The following CTNNBIP1 variants were observed in gnomAD, a reference collection of about 807,000 sequenced individuals.
CTNNBIP1 encodes the protein catenin beta interacting protein 1, also known as beta-catenin-interacting protein 1.
CTNNBIP1 carries 7 observed loss-of-function variants against 11.8 expected under a neutral mutation model. That is an observed-to-expected ratio of 0.60 (90% CI 0.34 to 1.12). The LOEUF is 1.12. Ranked by LOEUF, CTNNBIP1 falls within the 50% of genes most tolerant of loss-of-function variation. The pLI is 0.03. For missense variants in CTNNBIP1, 101 were observed against 113.4 expected (o/e 0.89, Z 0.50); for synonymous variants, 58 against 43.9 (o/e 1.32, Z -1.26).
intron 1 of CTNNBIP1, among the ~76,000 whole-genome samples, chr1:9,909,884 G>T (rs1266598587): frequency 1.3e-5 from 2 of 152,066 alleles, no homozygotes; most frequent in Admixed American, 1.3e-4. Context: ...CCCGGGCGAA[G>T]AGTCAGGGAG....
chr1:9,856,991 G>A (rs991434975), intron 5 of CTNNBIP1, among the ~76,000 whole-genome samples: 1 of 151,702 alleles, frequency 6.6e-6, no homozygotes, highest in Non-Finnish European at 1.5e-5. Flanking sequence ...GTGTGGTGGC[G>A]GGCACCTGTA....
chr1:9,850,705 A>C lies in CTNNBIP1; in HGVS notation c.*13T>G, dbSNP rs1202897614. ...CCCTCAACAGCATCCAGGGTGTTCCAAGGGCTTTGCAGCTACTGCCTCCGG... is the reference window on the plus strand; with the variant it reads ...CCCTCAACAGCATCCAGGGTGTTCCCAGGGCTTTGCAGCTACTGCCTCCGG... On this transcript the variant is annotated 3_prime_UTR_variant, in exon 6 of 6. Coordinates refer to ENST00000377263, the MANE Select transcript of CTNNBIP1 (RefSeq NM_020248.3). 1.9e-6 allele frequency: 3 copies of C among 1,613,434 alleles called. No individual in the cohort carries two copies. In the South Asian group the frequency reaches 3.3e-5, roughly 18 times the overall value.
chr1:9,903,633 C>T (rs1639564849), intron 1 of CTNNBIP1, among the ~76,000 whole-genome samples: 1 of 152,146 alleles, frequency 6.6e-6, no homozygotes, highest in South Asian at 2.1e-4. Flanking sequence ...GCTCAAACAC[C>T]ACCATGCCCC....
At chr1:9,874,155 G>T (rs912932794) in intron 3 of CTNNBIP1, among the ~76,000 whole-genome samples, 2 of 152,084 alleles carry the variant, frequency 1.3e-5, no homozygotes, top group East Asian at 3.9e-4. Flanking sequence ...GCACTCGTCC[G>T]TTCTAGAACA....
At chr1:9,884,171 G>A (rs924799656) in intron 1 of CTNNBIP1, among the ~76,000 whole-genome samples, 23 of 152,124 alleles carry the variant, frequency 1.5e-4, no homozygotes, top group Non-Finnish European at 2.1e-4. Flanking sequence ...TGGGGGCGAC[G>A]GGACTGGGCC....
intron 5 of CTNNBIP1, among the ~76,000 whole-genome samples, chr1:9,861,715 A>C (rs59341676): frequency 0.13 from 19,392 of 152,082 alleles, 3,417 homozygotes; most frequent in African/African-American, 0.39. Context: ...GAACAGCCAA[A>C]AAGAGCTCAG....
rs866893330 is a variant in CTNNBIP1, at chr1:9,860,440, A to C, written c.188-9664T>G. ...ACCCCGTCTCTACTAAAAAAAAAAA[A>C]AAAAAAAAAAAAAACAAAACTTAGC... is the stretch of plus-strand genomic sequence containing the variant. On this transcript the variant is annotated intron_variant, in intron 5 of 5. Coordinates refer to ENST00000377263, the MANE Select transcript of CTNNBIP1 (RefSeq NM_020248.3). Among the ~76,000 whole-genome samples the C allele has an allele frequency of 1.5e-3, 232 of 150,232 alleles. 3 individuals are homozygous for C. The East Asian group carries it at 0.022, about 14-fold the overall frequency.
At chr1:9,903,563 T>C (rs1402863193) in intron 1 of CTNNBIP1, among the ~76,000 whole-genome samples, 1 of 152,232 alleles carries the variant, frequency 6.6e-6, no homozygotes, top group Non-Finnish European at 1.5e-5. Flanking sequence ...CTTTAATAAC[T>C]GAGTATAACA....
chr1:9,897,674 C>T (rs573411504), intron 1 of CTNNBIP1, among the ~76,000 whole-genome samples: 1 of 151,572 alleles, frequency 6.6e-6, no homozygotes, highest in East Asian at 1.9e-4. Flanking sequence ...ATTAGCCAAG[C>T]GTGGTGGCAG....
intron 1 of CTNNBIP1, among the ~76,000 whole-genome samples, chr1:9,906,257 A>C (rs1333346490): frequency 2.6e-5 from 4 of 152,156 alleles, no homozygotes; most frequent in Non-Finnish European, 5.9e-5. Context: ...TCCATGGTCT[A>C]ATTAAGAGCT....
chr1:9,862,642 G>C (rs1033150092), intron 5 of CTNNBIP1, among the ~76,000 whole-genome samples: 1 of 152,204 alleles, frequency 6.6e-6, no homozygotes, highest in African/African-American at 2.4e-5. Flanking sequence ...GCATTCTGGA[G>C]GAGAATCCTG....
At chr1:9,903,007 C>G (rs904954209) in intron 1 of CTNNBIP1, among the ~76,000 whole-genome samples, 1 of 152,202 alleles carries the variant, frequency 6.6e-6, no homozygotes, top group East Asian at 1.9e-4. Context: ...CCTCGTGATC[C>G]GCCTGCCTTG....
chr1:9,866,312 C>T (rs907551296), intron 5 of CTNNBIP1, among the ~76,000 whole-genome samples: 3 of 152,092 alleles, frequency 2.0e-5, no homozygotes, highest in African/African-American at 7.2e-5. Context: ...TCACTATGGC[C>T]CTTTACAGTG....
chr1:9,894,581 G>A lies in CTNNBIP1; in HGVS notation c.-143-10843C>T, dbSNP rs60648478. ...CTCACCCTGTCACCCAGGCTGGAGT[G>A]TAGTGGTGCAATCTCAGCTCACTGC... On this transcript the variant is annotated intron_variant, in intron 1 of 5. Transcript: ENST00000377263. Among the ~76,000 whole-genome samples, 792 of 151,974 alleles carry A rather than the reference G, an allele frequency of 5.2e-3. 7 individuals are homozygous for A. Among genetic ancestry groups the A allele is most frequent in the African/African-American group, 0.018 (754 of 41,436 alleles).
chr1:9,891,690 C>T (rs1639303737), intron 1 of CTNNBIP1, among the ~76,000 whole-genome samples: 3 of 152,180 alleles, frequency 2.0e-5, no homozygotes, highest in African/African-American at 7.2e-5. Flanking sequence ...GCCTGTAATC[C>T]CAGCACTTTG....
chr1:9,879,990 C>T (rs186965924), intron 2 of CTNNBIP1, among the ~76,000 whole-genome samples: 12 of 152,144 alleles, frequency 7.9e-5, no homozygotes, highest in Non-Finnish European at 1.3e-4. Flanking sequence ...CTTTAAGTTC[C>T]GGGATACATG....
intron 1 of CTNNBIP1, among the ~76,000 whole-genome samples, chr1:9,900,544 A>G (rs1639502694): frequency 1.3e-5 from 2 of 152,204 alleles, no homozygotes; most frequent in African/African-American, 4.8e-5. Flanking sequence ...GAGATTAGGA[A>G]GTGAGAGTGG....
chr1:9,896,653 T>C (rs1412659908), intron 1 of CTNNBIP1, among the ~76,000 whole-genome samples: 2 of 151,540 alleles, frequency 1.3e-5, no homozygotes, highest in African/African-American at 4.9e-5. Context: ...ACTAACATGG[T>C]AAAACCCCGT....
At chr1:9,891,781 ATTTTTTTTTTT>A (rs70998316) in intron 1 of CTNNBIP1, among the ~76,000 whole-genome samples, 1,032 of 81,456 alleles carry the variant, frequency 0.013, 14 homozygotes, top group South Asian at 0.062. Flanking sequence ...ATCTCTTTAA[ATTTTTTTTTTT>A]TTTTTTTTTT....
Sources: allele counts gnomAD v4.1 joint callset (sites outside exome capture counted in the v4.1 genomes callset), GRCh38; gene constraint gnomAD v4.1.1; transcripts MANE v1.5; gene names NCBI Gene and HGNC (gene_info 2026-07-23, HGNC 2026-07-21).